Variants in ASAP3 observed in about 807,000 individuals in gnomAD.
The protein encoded by ASAP3 is arf-GAP with SH3 domain, ANK repeat and PH domain-containing protein 3.
In ASAP3, 85 loss-of-function variants were observed where a neutral mutation model predicts 118.2. The observed-to-expected ratio is 0.72, with a 90% CI of 0.60 to 0.86. The LOEUF (loss-of-function observed/expected upper bound fraction) is 0.86. ASAP3 is among the 40% of genes least tolerant of loss of function. The probability of loss-of-function intolerance (pLI) is 0.00; values close to 1 mark genes in which losing one functional copy is unlikely to be tolerated. For synonymous variants in ASAP3, 432 were observed against 477.4 expected, an observed-to-expected ratio of 0.90 and a Z score of 1.24; for missense variants, 1,026 against 1,175.0, an observed-to-expected ratio of 0.87 and a Z score of 1.85.
At chr1:23,475,610 T>C (rs1305718589) in intron 1 of ASAP3, among the ~76,000 whole-genome samples, 1 of 152,182 alleles carries the variant, frequency 6.6e-6, no homozygotes. Context: ...TCCTTTGAAT[T>C]CCAAACTCAC....
intron 1 of ASAP3, among the ~76,000 whole-genome samples, chr1:23,464,592 C>T (rs973385448): frequency 7.3e-6 from 1 of 136,704 alleles, no homozygotes; most frequent in African/African-American, 2.8e-5. Flanking sequence ...CCCAGGAGTT[C>T]GAGGTTGCAG....
intron 1 of ASAP3, among the ~76,000 whole-genome samples, chr1:23,462,698 G>A (rs565771056): frequency 1.3e-5 from 2 of 152,256 alleles, no homozygotes; most frequent in African/African-American, 2.4e-5. Context: ...GGCGGAGGCT[G>A]CAGTGAGCTG....
intron 1 of ASAP3, among the ~76,000 whole-genome samples, chr1:23,462,159 G>T (rs1374479838): frequency 6.6e-6 from 1 of 151,896 alleles, no homozygotes; most frequent in Admixed American, 6.6e-5. Flanking sequence ...GAGTAGCTGG[G>T]ACTATAGGCG....
chr1:23,430,857 C>G (rs1640402361), intron 24 of ASAP3, among the ~76,000 whole-genome samples, 178 bp downstream of exon 24: 1 of 152,142 alleles, frequency 6.6e-6, no homozygotes, highest in African/African-American at 2.4e-5. Context: ...AGGACAGGGA[C>G]TGGCCAAACC....
At chr1:23,457,989 A>C (rs1242022566) in intron 1 of ASAP3, among the ~76,000 whole-genome samples, 1 of 152,252 alleles carries the variant, frequency 6.6e-6, no homozygotes, top group Non-Finnish European at 1.5e-5. Context: ...GATCGTTATC[A>C]TCAGCTGCTG....
At chr1:23,453,388 G>A (rs1641286724) in intron 3 of ASAP3, among the ~76,000 whole-genome samples, 2 of 152,148 alleles carry the variant, frequency 1.3e-5, no homozygotes, top group South Asian at 4.1e-4. Flanking sequence ...ACGCACCCAA[G>A]CCAGCCAATC....
chr1:23,473,030 T>G (rs1316194438), intron 1 of ASAP3, among the ~76,000 whole-genome samples: 1 of 152,200 alleles, frequency 6.6e-6, no homozygotes, highest in African/African-American at 2.4e-5. Context: ...CAATCAACTT[T>G]TCACTGGCAG....
chr1:23,431,968 C>G (rs759841133), intron 22 of ASAP3, 50 bp from the exon 23 acceptor site: 10 of 1,491,726 alleles, frequency 6.7e-6, no homozygotes, highest in Non-Finnish European at 8.3e-6. Flanking sequence ...ATCACTTGCT[C>G]TGTGCCCAAC....
Position 23,473,496 on chromosome 1 carries a change from GC to G in ASAP3, c.129+10508del, listed in dbSNP as rs1408556244. On this transcript the variant is annotated intron_variant, in intron 1 of 24. Coordinates refer to ENST00000336689, the MANE Select transcript of ASAP3 (RefSeq NM_017707.4). ...GGTCTCACTCCCTCATCTGCCCTGG[GC>G]CCAAGTTCTAGGCCCATCGAAGGGA... Among the ~76,000 whole-genome samples, 4 of 152,058 alleles carry G rather than the reference GC, an allele frequency of 2.6e-5. No individual in the cohort carries two copies. The East Asian group carries it at 7.7e-4, about 29-fold the overall frequency.
At position 23,436,540 on chromosome 1, in the gene ASAP3, C is replaced by G. The variant is rs746370884; in HGVS notation, c.1571+20G>C. The G allele has an allele frequency of 2.5e-6, 4 of 1,609,054 alleles. No homozygotes were observed. The highest frequency in any genetic ancestry group is 3.4e-6 in the Non-Finnish European group (4 of 1,179,410). On this transcript the variant is annotated intron_variant, in intron 16 of 24. Transcript: ENST00000336689. This position sits in a 1 kb window ranked among gnomAD's most constrained non-coding sequence, Gnocchi z 4.2. ...AGAATCCCCTAGGCAGGGTGCCCCT[C>G]TCTCTGAGAATCCCCTTACATGTCA...
chr1:23,429,671 G>A lies in ASAP3; in HGVS notation c.*185C>T, dbSNP rs999695632. On this transcript the variant is annotated 3_prime_UTR_variant, in exon 25 of 25. Coordinates refer to ENST00000336689, the MANE Select transcript of ASAP3 (RefSeq NM_017707.4). ...AAAGAACCGCCATCAGTCCTAACAG[G>A]GAAAGGCCATGTGTCCTTGGTAGAG... 4.5e-5 allele frequency: 26 copies of A among 574,068 alleles called. No homozygotes were observed. The highest frequency in any genetic ancestry group is 4.2e-4 in the African/African-American group (22 of 52,630). The allele number at this position is 574,068 out of a possible 1,614,324, so 35.6% of individuals were successfully genotyped here.
chr1:23,481,001 T>C (rs539895007), intron 1 of ASAP3, among the ~76,000 whole-genome samples: 6 of 152,152 alleles, frequency 3.9e-5, no homozygotes, highest in African/African-American at 1.2e-4. Context: ...AGAAGTTACG[T>C]AGGGAGGACA....
intron 1 of ASAP3, among the ~76,000 whole-genome samples, chr1:23,476,957 C>G (rs1303770967): frequency 6.6e-6 from 1 of 151,894 alleles, no homozygotes; most frequent in African/African-American, 2.4e-5. Context: ...AGGGACACAA[C>G]AGTGAGATTA....
intron 5 of ASAP3, among the ~76,000 whole-genome samples, chr1:23,450,980 C>T (rs1358943727): frequency 6.6e-6 from 1 of 152,182 alleles, no homozygotes; most frequent in Non-Finnish European, 1.5e-5. Flanking sequence ...GCACAGGACA[C>T]AGAAAGCCAT....
At chr1:23,467,776 T>G (rs1641822469) in intron 1 of ASAP3, among the ~76,000 whole-genome samples, 1 of 151,360 alleles carries the variant, frequency 6.6e-6, no homozygotes, top group Non-Finnish European at 1.5e-5. Context: ...AGGGTGAAAC[T>G]CCGTCTCTAC....
At chr1:23,482,790 T>C (rs1467648594) in intron 1 of ASAP3, among the ~76,000 whole-genome samples, 4 of 149,784 alleles carry the variant, frequency 2.7e-5, no homozygotes, top group Non-Finnish European at 5.9e-5. Flanking sequence ...CTACTAAAAA[T>C]ACAAAAAAAA....
At position 23,441,104 on chromosome 1, in the gene ASAP3, G is replaced by C; in HGVS notation, c.942C>G (p.Asp314Glu). 6.2e-7 allele frequency: 1 copy of C among 1,613,926 alleles called. No individual in the cohort carries two copies. Residue 314 changes from aspartate (D) to glutamate (E), a missense_variant and splice_region_variant, in exon 10 of 25, where the codon GAC becomes GAG. Asp to Glu is a conservative substitution (Grantham distance 45). Coordinates refer to ENST00000336689, the MANE Select transcript of ASAP3 (RefSeq NM_017707.4). ...TATGTAAGCTCTGAATCACTTACCC[G>C]TCACTTTTCTTGTATAGAAAGCCCA... The part of the protein sequence containing the change: ...EKVGFLYKKS[D>E]GIRRVWQKRK...
chr1:23,466,663 A>G (rs572681300), intron 1 of ASAP3, among the ~76,000 whole-genome samples: 1 of 152,336 alleles, frequency 6.6e-6, no homozygotes, highest in East Asian at 1.9e-4. Context: ...GGATTCATCA[A>G]TAGGACCCAT....
chr1:23,459,491 T>C (rs1438147956), intron 1 of ASAP3, among the ~76,000 whole-genome samples: 2 of 152,104 alleles, frequency 1.3e-5, no homozygotes, highest in Non-Finnish European at 2.9e-5. Flanking sequence ...TCAGATTCTC[T>C]CTCCCACCTG....
Sources: gnomAD v4.1 joint callset for allele counts (sites outside exome capture counted in the v4.1 genomes callset) on GRCh38, gnomAD v4.1.1 for gene constraint, Gnocchi (gnomAD v3.1) non-coding constraint, MANE v1.5 for transcripts, NCBI Gene and HGNC (gene_info 2026-07-23, HGNC 2026-07-21) for gene names.